CNTNAP2: variants seen among roughly 807,000 people sequenced by gnomAD.
The protein encoded by CNTNAP2 is contactin-associated protein-like 2.
CNTNAP2 carries 98 observed loss-of-function variants against 155.2 expected under a neutral mutation model. The observed-to-expected ratio is 0.63, with a 90% CI of 0.54 to 0.75. The LOEUF is 0.75. CNTNAP2 is among the 30% of genes least tolerant of loss of function. The probability of loss-of-function intolerance (pLI) is 0.00; values close to 1 mark genes in which losing one functional copy is unlikely to be tolerated. For synonymous variants in CNTNAP2, 651 were observed against 631.2 expected (o/e 1.03, Z -0.47); for missense variants, 1,727 against 1,688.1 (o/e 1.02, Z -0.40).
intron 12 of CNTNAP2, 132 bp from the exon 13 acceptor site, chr7:147,638,974 T>C (rs1795230360): frequency 1.1e-6 from 1 of 899,034 alleles, no homozygotes; most frequent in East Asian, 2.4e-5. Flanking sequence ...GTTTTAAGGA[T>C]TGCTCTCCTT....
intron 1 of CNTNAP2, among the ~76,000 whole-genome samples, chr7:146,615,506 A>G (rs1348814701): frequency 2.6e-5 from 4 of 152,240 alleles, no homozygotes; most frequent in Non-Finnish European, 5.9e-5. Flanking sequence ...GATATTAAAT[A>G]CATACAAAAA....
intron 18 of CNTNAP2, among the ~76,000 whole-genome samples, chr7:148,215,383 T>C (rs1043903904): frequency 2.0e-5 from 3 of 152,226 alleles, no homozygotes; most frequent in African/African-American, 7.2e-5. Context: ...GTTGTTCTTG[T>C]AGAACCGTTT....
intron 8 of CNTNAP2, among the ~76,000 whole-genome samples, chr7:147,148,916 G>A (rs1340811260): frequency 1.3e-5 from 2 of 152,234 alleles, no homozygotes; most frequent in East Asian, 3.9e-4. Flanking sequence ...GCAGACCCTT[G>A]TGGTGGGTGT....
intron 1 of CNTNAP2, among the ~76,000 whole-genome samples, chr7:146,510,008 G>A (rs1200189162): frequency 6.6e-6 from 1 of 152,052 alleles, no homozygotes; most frequent in Admixed American, 6.5e-5. Flanking sequence ...CAGGGGCCAA[G>A]GGCTCACTCA....
intron 1 of CNTNAP2, among the ~76,000 whole-genome samples, chr7:146,543,767 C>T (rs1797988608): frequency 6.6e-6 from 1 of 151,900 alleles, no homozygotes; most frequent in Non-Finnish European, 1.5e-5. Context: ...CAAAATATAT[C>T]TAAAACCTCA....
chr7:148,410,065 A>G (rs6958987), intron 23 of CNTNAP2, among the ~76,000 whole-genome samples: 5 of 59,180 alleles, frequency 8.4e-5, no homozygotes, highest in East Asian at 3.7e-4. Context: ...AAAAAAAAAA[A>G]AAAGAAAGAA....
intron 3 of CNTNAP2, among the ~76,000 whole-genome samples, chr7:147,038,444 T>A (rs997211140): frequency 6.6e-6 from 1 of 152,190 alleles, no homozygotes; most frequent in African/African-American, 2.4e-5. Flanking sequence ...AGGAAACAGA[T>A]CAAATAATCC....
chr7:146,760,616 G>A (rs1802081336), intron 1 of CNTNAP2, among the ~76,000 whole-genome samples: 1 of 151,198 alleles, frequency 6.6e-6, no homozygotes. Context: ...GTAGAGATGG[G>A]TTTTCACCAT....
At chr7:146,383,779 A>C (rs927038964) in intron 1 of CNTNAP2, among the ~76,000 whole-genome samples, 4 of 152,288 alleles carry the variant, frequency 2.6e-5, no homozygotes, top group Non-Finnish European at 5.9e-5. Context: ...TCATTTGGAC[A>C]ATAGTCTTGT....
intron 13 of CNTNAP2, among the ~76,000 whole-genome samples, chr7:147,663,331 CTGTA>C (rs1425776078): frequency 1.3e-5 from 2 of 152,188 alleles, no homozygotes; most frequent in East Asian, 3.8e-4. Flanking sequence ...GCATGTGGCT[CTGTA>C]TGTAACCCTG....
intron 1 of CNTNAP2, among the ~76,000 whole-genome samples, chr7:146,151,635 G>GATATATATATACATATATAT (rs1798039417): frequency 2.7e-5 from 1 of 36,406 alleles, no homozygotes; most frequent in Non-Finnish European, 5.4e-5. Context: ...AAGAAAACGT[G>GATATATATATACATATATAT]ATATATATAT....
Position 147,888,950 on chromosome 7 carries a change from A to T in CNTNAP2, c.2099-14615A>T, listed in dbSNP as rs78584397. The stretch of plus-strand genomic sequence containing the variant: ...CAAACATTGACAATATTGAGCAATA[A>T]ACTTTAATTTGTGATATTTAAGGAA... On this transcript the variant is annotated intron_variant, in intron 13 of 23. Transcript: ENST00000361727. Among the ~76,000 whole-genome samples the T allele has an allele frequency of 7.8e-3, 1,186 of 152,240 alleles. 12 individuals are homozygous for T. The highest frequency in any genetic ancestry group is 0.028 in the South Asian group (134 of 4,828).
intron 1 of CNTNAP2, among the ~76,000 whole-genome samples, chr7:146,223,037 T>A (rs942917107): frequency 9.2e-5 from 14 of 152,188 alleles, no homozygotes; most frequent in African/African-American, 3.4e-4. Flanking sequence ...GGACTATGTA[T>A]GATGCCTATA....
intron 3 of CNTNAP2, among the ~76,000 whole-genome samples, chr7:146,972,404 A>G (rs1327024103): frequency 1.3e-5 from 2 of 152,206 alleles, no homozygotes; most frequent in African/African-American, 2.4e-5. Context: ...TTAAATTTCA[A>G]AATTTAACAT....
intron 4 of CNTNAP2, among the ~76,000 whole-genome samples, chr7:147,091,181 C>T (rs1800395437): frequency 6.6e-6 from 1 of 152,052 alleles, no homozygotes; most frequent in South Asian, 2.1e-4. Flanking sequence ...CTTAAACAGA[C>T]CCAGAAAGTG....
At position 146,683,230 on chromosome 7, in the gene CNTNAP2, A is replaced by C. The variant is rs142050527; in HGVS notation, c.98-91041A>C. ...GTATTTTTAATACAGATGGGGTTACACCATGTTGGCCAGGCTGGTCTCAAC... is the reference window on the plus strand; with the variant it reads ...GTATTTTTAATACAGATGGGGTTACCCCATGTTGGCCAGGCTGGTCTCAAC... On this transcript the variant is annotated intron_variant, in intron 1 of 23. Transcript: ENST00000361727. Among the ~76,000 whole-genome samples, 1,141 of 151,984 alleles carry C rather than the reference A, an allele frequency of 7.5e-3. 14 individuals are homozygous for C. Among genetic ancestry groups the C allele is most frequent in the African/African-American group, 0.024 (987 of 41,458 alleles).
At chr7:146,609,880 A>G (rs919361481) in intron 1 of CNTNAP2, among the ~76,000 whole-genome samples, 1 of 152,156 alleles carries the variant, frequency 6.6e-6, no homozygotes, top group East Asian at 1.9e-4. Context: ...GTGGTTCACA[A>G]AGCATGCTTA....
At chr7:147,615,324 C>A (rs1032364002) in intron 12 of CNTNAP2, among the ~76,000 whole-genome samples, 12 of 117,174 alleles carry the variant, frequency 1.0e-4, no homozygotes, top group Non-Finnish European at 1.8e-4. Flanking sequence ...TACATCTCCA[C>A]CAAAAAATTG....
intron 12 of CNTNAP2, among the ~76,000 whole-genome samples, chr7:147,619,825 G>C (rs1801359250): frequency 6.6e-6 from 1 of 152,204 alleles, no homozygotes; most frequent in South Asian, 2.1e-4. Context: ...CCAGAGCCTT[G>C]AGCGAACATA....
Sources: allele counts gnomAD v4.1 joint callset (sites outside exome capture counted in the v4.1 genomes callset), GRCh38; gene constraint gnomAD v4.1.1; transcripts MANE v1.5; gene names NCBI Gene and HGNC (gene_info 2026-07-23, HGNC 2026-07-21).